Variants in B3GALNT2 observed in about 807,000 individuals in gnomAD.
B3GALNT2 encodes UDP-GalNAc:beta-1,3-N-acetylgalactosaminyltransferase 2.
Under a neutral mutation model 61.1 loss-of-function variants are expected in B3GALNT2, and 53 were observed. The observed-to-expected ratio is 0.87, with a 90% CI of 0.70 to 1.09. The LOEUF (loss-of-function observed/expected upper bound fraction) is 1.09, where lower values mean the gene tolerates loss of function less well. Among genes scored for constraint, B3GALNT2 ranks in the 50% least tolerant of loss-of-function variants. B3GALNT2 has a pLI of 0.00. For missense variants in B3GALNT2, 544 were observed against 623.0 expected (o/e 0.87, Z 1.35); for synonymous variants, 223 against 237.4 (o/e 0.94, Z 0.56).
chr1:235,440,403 T>TA, the B3GALNT2 span, among the ~76,000 whole-genome samples: 1 of 151,656 alleles, frequency 6.6e-6, no homozygotes, highest in Non-Finnish European at 1.5e-5. Flanking sequence ...TATATATATA[T>TA]TTTTTTGAGA....
At chr1:235,500,039 C>T (rs574503277) in intron 1 of B3GALNT2, among the ~76,000 whole-genome samples, 14 of 152,282 alleles carry the variant, frequency 9.2e-5, no homozygotes, top group African/African-American at 3.4e-4. Flanking sequence ...ACAGCAGCAG[C>T]AGGTCAGAGA....
At position 235,461,703 on chromosome 1, in the gene B3GALNT2, GATGGGGTTTC is replaced by G. The variant is rs552698356; in HGVS notation, c.842-2927_842-2918del. Among the ~76,000 whole-genome samples the G allele has an allele frequency of 9.7e-4, 148 of 152,024 alleles. 1 individual carries two copies. Among genetic ancestry groups the G allele is most frequent in the Non-Finnish European group, 1.9e-3 (128 of 67,978 alleles). ...AGCTAATTTTTGTATTTTTAGTATA[GATGGGGTTTC>G]ACCATGTTGGTCTGGCTGGTCTCGA... is the stretch of plus-strand genomic sequence containing the variant. On this transcript the variant is annotated intron_variant, in intron 7 of 11. Coordinates refer to ENST00000366600, the MANE Select transcript of B3GALNT2 (RefSeq NM_152490.5).
At chr1:235,498,843 C>CAAAAAAAAAAAAAAAAAA (rs57291873) in intron 1 of B3GALNT2, among the ~76,000 whole-genome samples, 4 of 64,118 alleles carry the variant, frequency 6.2e-5, no homozygotes, top group Admixed American at 5.4e-4. Context: ...GACTCCTTCT[C>CAAAAAAAAAAAAAAAAAA]AAAAAAAAAA....
At chr1:235,469,908 TTTG>T (rs1683906176) in intron 6 of B3GALNT2, among the ~76,000 whole-genome samples, 21 of 151,788 alleles carry the variant, frequency 1.4e-4, no homozygotes, top group Admixed American at 5.9e-4. Context: ...TGTTTGTTTG[TTTG>T]TTTTGAGACA....
chr1:235,453,093 GTATCTTTTAGGTCC>G lies in B3GALNT2; in HGVS notation c.1351_1364del (p.Gly451ProfsTer8), dbSNP rs1236413943. The G allele has an allele frequency of 6.2e-7, 1 of 1,610,114 alleles. No individual in the cohort carries two copies. The highest frequency in any genetic ancestry group is 2.2e-5 in the East Asian group (1 of 44,838). On this transcript the variant is annotated frameshift_variant, in exon 11 of 12. Coordinates refer to ENST00000366600, the MANE Select transcript of B3GALNT2 (RefSeq NM_152490.5). LOFTEE classifies it high-confidence loss of function. Reference sequence around the variant, plus strand: ...GAGGCCATCCCCAAAGACTTACCTGGTATCTTTTAGGTCCTATGGCAGCCATCCAGATGCCCATG... The same window carrying G: ...GAGGCCATCCCCAAAGACTTACCTGGTATGGCAGCCATCCAGATGCCCATG...
chr1:235,480,342 T>G (rs1294906427), intron 4 of B3GALNT2, among the ~76,000 whole-genome samples, 193 bp from the exon 5 acceptor site: 1 of 152,106 alleles, frequency 6.6e-6, no homozygotes, highest in Non-Finnish European at 1.5e-5. Context: ...ATAACGATAT[T>G]TAAGGTAATC....
chr1:235,446,617 T>C (rs954458112), downstream of B3GALNT2, among the ~76,000 whole-genome samples: 2 of 152,158 alleles, frequency 1.3e-5, no homozygotes, highest in African/African-American at 4.8e-5. Flanking sequence ...ACAGTCATGT[T>C]ACTATATTAA....
At chr1:235,484,733 G>GT (rs1684720831) in intron 3 of B3GALNT2, 1 of 795,328 alleles carries the variant, frequency 1.3e-6, no homozygotes, top group East Asian at 3.0e-5. Flanking sequence ...ATCTAAGTAA[G>GT]TTAATTATCA....
At chr1:235,467,936 C>G (rs533241189) in intron 6 of B3GALNT2, among the ~76,000 whole-genome samples, 1 of 151,804 alleles carries the variant, frequency 6.6e-6, no homozygotes, top group South Asian at 2.1e-4. Flanking sequence ...TTAGCCATCA[C>G]GCCTGGCTAA....
intron 10 of B3GALNT2, 147 bp downstream of exon 10, chr1:235,454,009 T>G (rs776507035): frequency 1.2e-5 from 8 of 675,104 alleles, no homozygotes; most frequent in Non-Finnish European, 1.6e-5. Context: ...GTTTTTATTT[T>G]ATTTTTTATT....
At chr1:235,503,122 G>A (rs1685654997) in intron 1 of B3GALNT2, among the ~76,000 whole-genome samples, 2 of 152,190 alleles carry the variant, frequency 1.3e-5, no homozygotes, top group South Asian at 2.1e-4. Context: ...TACTTATAAG[G>A]CATAGAGTGC....
chr1:235,448,220 C>CCAAAA lies in B3GALNT2; in HGVS notation c.*1985_*1986insTTTTG. ...CTTAAGTAAGTAAGTAAGTCAGTCTCAAAAAAAAAAAAAAAAAAAAGACAG... is the reference window on the plus strand; with the variant it reads ...CTTAAGTAAGTAAGTAAGTCAGTCTCCAAAAAAAAAAAAAAAAAAAAAAAAGACAG... On this transcript the variant is annotated 3_prime_UTR_variant, in exon 12 of 12. Coordinates refer to ENST00000366600, the MANE Select transcript of B3GALNT2 (RefSeq NM_152490.5). 1 of 527,200 alleles carries CCAAAA rather than the reference C, an allele frequency of 1.9e-6. No individual in the cohort carries two copies. The highest frequency in any genetic ancestry group is 3.2e-5 in the African/African-American group (1 of 31,380). The allele number at this position is 527,200 out of a possible 1,614,324, so 32.7% of individuals were successfully genotyped here.
chr1:235,459,295 C>A (rs1683308042), intron 7 of B3GALNT2, among the ~76,000 whole-genome samples: 1 of 152,120 alleles, frequency 6.6e-6, no homozygotes, highest in African/African-American at 2.4e-5. Context: ...TATGACACCA[C>A]AGATATCAAT....
At position 235,454,330 on chromosome 1, in the gene B3GALNT2, A is replaced by C. The variant is rs764693057; in HGVS notation, c.1152-15T>G. ...TCAGTCTGAAACTGAGATGAAAAAT[A>C]ATGTGGCCTCTTGTGTTAGTCTGAC... On this transcript the variant is annotated splice_polypyrimidine_tract_variant and intron_variant, in intron 9 of 11. Transcript: ENST00000366600. 2 of 1,602,888 alleles carry C rather than the reference A, an allele frequency of 1.2e-6. No individual in the cohort carries two copies. Among genetic ancestry groups the C allele is most frequent in the Non-Finnish European group, 1.7e-6 (2 of 1,172,698 alleles).
intron 6 of B3GALNT2, among the ~76,000 whole-genome samples, chr1:235,467,232 C>G (rs1214798737): frequency 6.6e-6 from 1 of 151,974 alleles, no homozygotes; most frequent in Non-Finnish European, 1.5e-5. Flanking sequence ...GCCTATAATC[C>G]CAGCTACTCT....
intron 7 of B3GALNT2, among the ~76,000 whole-genome samples, chr1:235,459,928 G>A (rs1683338106): frequency 6.6e-6 from 1 of 151,774 alleles, no homozygotes; most frequent in Non-Finnish European, 1.5e-5. Flanking sequence ...CGAGTAGCTG[G>A]GATTACAGGT....
intron 8 of B3GALNT2, among the ~76,000 whole-genome samples, chr1:235,456,253 A>G (rs961987857): frequency 6.6e-6 from 1 of 152,236 alleles, no homozygotes; most frequent in Non-Finnish European, 1.5e-5. Flanking sequence ...TCTGGAAGGC[A>G]AAGGATAGTG....
chr1:235,504,067 C>A (rs1237694511), intron 1 of B3GALNT2, 74 bp downstream of exon 1: 8 of 1,197,216 alleles, frequency 6.7e-6, no homozygotes, highest in Non-Finnish European at 5.2e-6. Context: ...CAATTCCCGG[C>A]GAAGCCCCGC....
intron 6 of B3GALNT2, 122 bp from the exon 7 acceptor site, chr1:235,465,836 G>A: frequency 1.8e-6 from 2 of 1,123,718 alleles, no homozygotes; most frequent in Non-Finnish European, 2.6e-6. Flanking sequence ...CATGTAAGAT[G>A]CTGGTGCACT....
Sources: allele counts gnomAD v4.1 joint callset (sites outside exome capture counted in the v4.1 genomes callset), GRCh38; gene constraint gnomAD v4.1.1; transcripts MANE v1.5; gene names NCBI Gene and HGNC (gene_info 2026-07-23, HGNC 2026-07-21).